CNTN4: variants seen among roughly 807,000 people sequenced by gnomAD.
CNTN4 encodes the protein contactin-4.
CNTN4 carries 77 observed loss-of-function variants against 122.5 expected under a neutral mutation model. That is an observed-to-expected ratio of 0.63 (90% CI 0.52 to 0.76). CNTN4 has a LOEUF of 0.76. Ranked by LOEUF, CNTN4 falls within the 30% of genes least tolerant of loss-of-function variation. CNTN4 has a pLI of 0.00. For missense variants in CNTN4, 1,256 were observed against 1,259.1 expected, an observed-to-expected ratio of 1.00 and a Z score of 0.04; for synonymous variants, 512 against 447.0, an observed-to-expected ratio of 1.15 and a Z score of -1.83.
chr3:2,642,247 A>C (rs369904983), intron 4 of CNTN4, among the ~76,000 whole-genome samples: 1 of 152,292 alleles, frequency 6.6e-6, no homozygotes, highest in East Asian at 1.9e-4. Context: ...TGGAAGAAAG[A>C]TGTAGGGTGG....
intron 13 of CNTN4, among the ~76,000 whole-genome samples, chr3:2,965,095 T>G (rs1692168996): frequency 6.6e-6 from 1 of 152,306 alleles, no homozygotes; most frequent in Middle Eastern, 3.4e-3. Flanking sequence ...AATTATAGAA[T>G]TAAGGCATTA....
chr3:2,326,104 G>A (rs551728124), intron 2 of CNTN4, among the ~76,000 whole-genome samples: 1 of 152,280 alleles, frequency 6.6e-6, no homozygotes, highest in African/African-American at 2.4e-5. Context: ...ATTAACATTT[G>A]AATTAGTAGA....
At chr3:2,116,459 G>A (rs2033359466) in intron 2 of CNTN4, among the ~76,000 whole-genome samples, 1 of 152,072 alleles carries the variant, frequency 6.6e-6, no homozygotes, top group Admixed American at 6.5e-5. Flanking sequence ...AAATTTCACA[G>A]CCCCACGCTA....
intron 2 of CNTN4, among the ~76,000 whole-genome samples, chr3:2,228,065 T>C (rs2039351431): frequency 6.8e-6 from 1 of 146,384 alleles, no homozygotes; most frequent in African/African-American, 2.5e-5. Flanking sequence ...TTTAAGTAAA[T>C]GAAAATAATA....
chr3:2,176,936 A>G (rs1487805467), intron 2 of CNTN4, among the ~76,000 whole-genome samples: 1 of 148,878 alleles, frequency 6.7e-6, no homozygotes, highest in Admixed American at 6.7e-5. Flanking sequence ...GAAAATCAAC[A>G]AAGAGTCACC....
In CNTN4 at chr3:2,534,825, CTGCTGCTGCTGT is replaced by C. The variant is rs2077736499; in HGVS notation, c.-88-36585_-88-36574del. ...CCAAATGAGGGAACAATGTATGCTG[CTGCTGCTGCTGT>C]TGCTGTTATTGTTGCTGCGGTTGTT... On this transcript the variant is annotated intron_variant, in intron 3 of 24. Coordinates refer to ENST00000418658, the MANE Select transcript of CNTN4 (RefSeq NM_175607.3). Among the ~76,000 whole-genome samples, 5 of 115,754 alleles carry C rather than the reference CTGCTGCTGCTGT, an allele frequency of 4.3e-5. 1 individual carries two copies. The highest frequency in any genetic ancestry group is 8.9e-5 in the Admixed American group (1 of 11,218). 75.9% of individuals were successfully genotyped at this position (115,754 alleles called of 152,430 possible).
chr3:2,301,561 G>A (rs964051929), intron 2 of CNTN4, among the ~76,000 whole-genome samples: 1 of 152,118 alleles, frequency 6.6e-6, no homozygotes, highest in African/African-American at 2.4e-5. Context: ...GTTGATAGCT[G>A]GTTTTTAACA....
At chr3:2,200,617 C>T (rs1210025941) in intron 2 of CNTN4, among the ~76,000 whole-genome samples, 1 of 152,170 alleles carries the variant, frequency 6.6e-6, no homozygotes, top group Non-Finnish European at 1.5e-5. Flanking sequence ...TAGCACCTTA[C>T]AAGGTGGTTG....
At chr3:2,119,469 A>G (rs1435194685) in intron 2 of CNTN4, among the ~76,000 whole-genome samples, 3 of 152,228 alleles carry the variant, frequency 2.0e-5, no homozygotes, top group Non-Finnish European at 2.9e-5. Context: ...AGACTTTTGC[A>G]GAATGATTAG....
chr3:2,430,616 CA>C (rs10662868), intron 3 of CNTN4, among the ~76,000 whole-genome samples: 6,647 of 103,322 alleles, frequency 0.064, 225 homozygotes, highest in Middle Eastern at 0.091. Flanking sequence ...AGCAAATTAC[CA>C]AAAAAAAAAA....
At position 2,289,330 on chromosome 3, in the gene CNTN4, G is replaced by A. The variant is rs191099488; in HGVS notation, c.-144-49848G>A. 2.4e-3 allele frequency among the ~76,000 whole-genome samples: 365 copies of A among 152,218 alleles called. 2 individuals are homozygous for A. The highest frequency in any genetic ancestry group is 8.3e-3 in the South Asian group (40 of 4,824). ...AAAGAGGAGCATGGATTTGACCTAT[G>A]TTTCTCATTGCATAGAGATATCCTA... is the stretch of plus-strand genomic sequence containing the variant. On this transcript the variant is annotated intron_variant, in intron 2 of 24. Transcript: ENST00000418658.
At chr3:2,840,227 G>T (rs1051492133) in intron 7 of CNTN4, among the ~76,000 whole-genome samples, 3 of 152,066 alleles carry the variant, frequency 2.0e-5, no homozygotes, top group African/African-American at 7.2e-5. Context: ...ACCTTACCAG[G>T]TTTCCAGGGT....
intron 2 of CNTN4, among the ~76,000 whole-genome samples, chr3:2,154,099 G>C (rs1398788495): frequency 6.6e-6 from 1 of 151,912 alleles, no homozygotes; most frequent in Admixed American, 6.6e-5. Context: ...AAATGGATAT[G>C]ACTGGCCAGG....
chr3:2,413,885 T>C (rs2047317606), intron 3 of CNTN4, among the ~76,000 whole-genome samples: 1 of 152,208 alleles, frequency 6.6e-6, no homozygotes, highest in Non-Finnish European at 1.5e-5. Flanking sequence ...TCTGACTACC[T>C]ACCATTTATA....
chr3:2,124,744 G>T (rs960095347), intron 2 of CNTN4, among the ~76,000 whole-genome samples: 2 of 152,112 alleles, frequency 1.3e-5, no homozygotes, highest in Non-Finnish European at 2.9e-5. Context: ...CTCTACTCCA[G>T]CCTGGAAGAG....
chr3:2,369,472 C>T (rs2045545252), intron 3 of CNTN4, among the ~76,000 whole-genome samples: 1 of 152,194 alleles, frequency 6.6e-6, no homozygotes, highest in East Asian at 1.9e-4. Context: ...GAGCAAGAGG[C>T]TCTCCAAGGA....
In CNTN4 at chr3:2,145,751, G is replaced by A. The variant is rs184966566; in HGVS notation, c.-145+45112G>A. Among the ~76,000 whole-genome samples the A allele has an allele frequency of 1.4e-3, 212 of 152,220 alleles. 2 individuals carry two copies. The highest frequency in any genetic ancestry group is 4.7e-3 in the African/African-American group (196 of 41,544). ...TTGTTGAACATTTTCTAAGAGCTTGGCAATCTTGCCCAGCACTTTACGTAG... is the reference window on the plus strand; with the variant it reads ...TTGTTGAACATTTTCTAAGAGCTTGACAATCTTGCCCAGCACTTTACGTAG... On this transcript the variant is annotated intron_variant, in intron 2 of 24. Coordinates refer to ENST00000418658, the MANE Select transcript of CNTN4 (RefSeq NM_175607.3).
chr3:2,413,119 T>C (rs2047288212), intron 3 of CNTN4, among the ~76,000 whole-genome samples: 1 of 152,224 alleles, frequency 6.6e-6, no homozygotes, highest in Non-Finnish European at 1.5e-5. Context: ...TAGATTAGGT[T>C]GATCTAATGA....
intron 15 of CNTN4, among the ~76,000 whole-genome samples, chr3:3,027,770 C>A (rs1015103596): frequency 6.6e-6 from 1 of 152,198 alleles, no homozygotes. Flanking sequence ...TCGAAGTGGA[C>A]GTCCTACCAT....
Sources: allele counts gnomAD v4.1 joint callset (sites outside exome capture counted in the v4.1 genomes callset), GRCh38; gene constraint gnomAD v4.1.1; transcripts MANE v1.5; gene names NCBI Gene and HGNC (gene_info 2026-07-23, HGNC 2026-07-21).